Variants in TNFAIP8L3 observed in about 807,000 individuals in gnomAD.
TNFAIP8L3 encodes the protein tumor necrosis factor alpha-induced protein 8-like protein 3.
In TNFAIP8L3, 7 loss-of-function variants were observed where a neutral mutation model predicts 11.8. The observed-to-expected ratio is 0.59, with a 90% confidence interval of 0.34 to 1.11. TNFAIP8L3 has a LOEUF of 1.11. TNFAIP8L3 is among the 50% of genes most tolerant of loss of function. TNFAIP8L3 has a pLI of 0.03. For synonymous variants in TNFAIP8L3, 98 were observed against 103.8 expected (o/e 0.94, Z 0.34); for missense variants, 219 against 258.6 (o/e 0.85, Z 1.05).
At chr15:51,097,813 G>A (rs905236282), upstream of TNFAIP8L3, among the ~76,000 whole-genome samples, 4 of 151,966 alleles carry the variant, frequency 2.6e-5, no homozygotes, top group Non-Finnish European at 5.9e-5. Context: ...AATCTGAGGT[G>A]GTGAATCTCC....
intron 1 of TNFAIP8L3, among the ~76,000 whole-genome samples, chr15:51,073,417 C>A (rs1424624272): frequency 1.3e-5 from 2 of 152,218 alleles, no homozygotes; most frequent in Non-Finnish European, 2.9e-5. Context: ...AAATCTCTTG[C>A]ATATCTTTCA....
intron 1 of TNFAIP8L3, among the ~76,000 whole-genome samples, chr15:51,082,025 G>A (rs2065395709): frequency 6.6e-6 from 1 of 150,530 alleles, no homozygotes; most frequent in African/African-American, 2.5e-5. Context: ...CTTTCAACTT[G>A]AAAACTAAGA....
At chr15:51,096,049 A>G (rs542809355), upstream of TNFAIP8L3, among the ~76,000 whole-genome samples, 2 of 152,336 alleles carry the variant, frequency 1.3e-5, no homozygotes, top group African/African-American at 2.4e-5. Context: ...ACTTATTTTC[A>G]TTCCCATTTT....
chr15:51,058,948 G>T (rs1438926), intron 1 of TNFAIP8L3, among the ~76,000 whole-genome samples: 20,914 of 152,266 alleles, frequency 0.14, 1,591 homozygotes, highest in South Asian at 0.19. Flanking sequence ...ATATCATTGG[G>T]TCTAAGAGGT....
intron 1 of TNFAIP8L3, among the ~76,000 whole-genome samples, chr15:51,090,961 C>A (rs923900838): frequency 6.6e-6 from 1 of 152,156 alleles, no homozygotes; most frequent in Non-Finnish European, 1.5e-5. Flanking sequence ...TGTTTACTCT[C>A]CTGTTGCTTC....
At chr15:51,101,891 A>G (rs1461498582) in intron 1 of TNFAIP8L3, among the ~76,000 whole-genome samples, 2 of 142,776 alleles carry the variant, frequency 1.4e-5, no homozygotes, top group Non-Finnish European at 3.0e-5. Context: ...GCTTGCAGTG[A>G]GCTGAGATTG....
rs151327405 is a variant in TNFAIP8L3, at chr15:51,086,492, C to A, written c.52+8052G>T. Among the ~76,000 whole-genome samples, 27 of 152,334 alleles carry A rather than the reference C, an allele frequency of 1.8e-4. No homozygotes were observed. The East Asian group carries it at 1.9e-3, about 11-fold the overall frequency. ...AGCCTAAGGGTTAGGGTTCTGGGAA[C>A]CGTGGGAGCTGTGTGGGGGATGCAA... is the stretch of plus-strand genomic sequence containing the variant. On this transcript the variant is annotated intron_variant, in intron 1 of 1. Coordinates refer to ENST00000637513, the MANE Select transcript of TNFAIP8L3 (RefSeq NM_001311175.2).
chr15:51,072,431 G>A (rs950828700), intron 1 of TNFAIP8L3, among the ~76,000 whole-genome samples: 7 of 152,116 alleles, frequency 4.6e-5, no homozygotes, highest in African/African-American at 1.7e-4. Flanking sequence ...ATAAGCCACC[G>A]CGCCTGGCCA....
At position 51,105,056 on chromosome 15, in the gene TNFAIP8L3, G is replaced by A. The variant is rs201752728; in HGVS notation, c.121C>T (p.Gln41Ter). The stretch of plus-strand genomic sequence containing the variant: ...AAAGATAAGGGGATGAGTCTTGTTT[G>A]TAACGTGGCATCCCTTGTGCCTTGG... The change falls in exon 1 of 3, where the codon CAA becomes TAA. Residue 41 changes from glutamine to a stop codon, truncating the protein, a stop_gained. Coordinates refer to the TNFAIP8L3 transcript ENST00000327536. LOFTEE classifies it high-confidence loss of function. The A allele has an allele frequency of 1.2e-4, 201 of 1,614,058 alleles. No homozygotes were observed. The highest frequency in any genetic ancestry group is 1.6e-4 in the Non-Finnish European group (194 of 1,180,040).
chr15:51,100,147 A>C (rs1467859642), intron 1 of TNFAIP8L3, among the ~76,000 whole-genome samples: 2 of 152,224 alleles, frequency 1.3e-5, no homozygotes, highest in Non-Finnish European at 2.9e-5. Context: ...TGTATCAAGT[A>C]TTTGTTGAGT....
chr15:51,084,369 T>G (rs1206469397), intron 1 of TNFAIP8L3, among the ~76,000 whole-genome samples: 1 of 152,260 alleles, frequency 6.6e-6, no homozygotes, highest in Non-Finnish European at 1.5e-5. Context: ...AATGTCATTA[T>G]GTATTTAATC....
upstream of TNFAIP8L3, among the ~76,000 whole-genome samples, chr15:51,095,410 C>T (rs2065507407): frequency 6.6e-6 from 1 of 151,962 alleles, no homozygotes; most frequent in Non-Finnish European, 1.5e-5. Flanking sequence ...CTAACTCCGG[C>T]TGTTTGAGTC....
chr15:51,075,510 G>A (rs1003618649), intron 1 of TNFAIP8L3, among the ~76,000 whole-genome samples: 1 of 152,104 alleles, frequency 6.6e-6, no homozygotes, highest in African/African-American at 2.4e-5. Flanking sequence ...GTCTCTCTGG[G>A]CAATCCTCTC....
At chr15:51,104,557 T>G (rs1202514682) in intron 1 of TNFAIP8L3, among the ~76,000 whole-genome samples, 1 of 152,202 alleles carries the variant, frequency 6.6e-6, no homozygotes, top group Non-Finnish European at 1.5e-5. Context: ...CCTGGCTCTC[T>G]GTCTGCTGCA....
intron 1 of TNFAIP8L3, among the ~76,000 whole-genome samples, chr15:51,101,739 G>T (rs544549431): frequency 6.6e-6 from 1 of 151,976 alleles, no homozygotes; most frequent in South Asian, 2.1e-4. Context: ...GAGGTCAGGA[G>T]ATCGAGACCA....
At chr15:51,076,732 G>A (rs1461890718) in intron 1 of TNFAIP8L3, among the ~76,000 whole-genome samples, 1 of 152,092 alleles carries the variant, frequency 6.6e-6, no homozygotes, top group African/African-American at 2.4e-5. Context: ...ACAGAGCCCG[G>A]CCTCCAGCCC....
upstream of TNFAIP8L3, among the ~76,000 whole-genome samples, chr15:51,097,991 T>A (rs1382608484): frequency 6.6e-6 from 1 of 152,234 alleles, no homozygotes; most frequent in Admixed American, 6.5e-5. Context: ...CCTCAGTGTT[T>A]CCACTACATC....
chr15:51,072,504 A>G (rs2065316593), intron 1 of TNFAIP8L3, among the ~76,000 whole-genome samples: 1 of 152,184 alleles, frequency 6.6e-6, no homozygotes, highest in Admixed American at 6.5e-5. Context: ...TGGTTTCTGT[A>G]TCTCATTTTA....
At chr15:51,067,507 C>CT (rs2065279793) in intron 1 of TNFAIP8L3, among the ~76,000 whole-genome samples, 1 of 152,126 alleles carries the variant, frequency 6.6e-6, no homozygotes, top group African/African-American at 2.4e-5. Flanking sequence ...TTTAGGTTTC[C>CT]TTTTTTGTAA....
Sources: allele counts gnomAD v4.1 joint callset (sites outside exome capture counted in the v4.1 genomes callset), GRCh38; gene constraint gnomAD v4.1.1; transcripts MANE v1.5; gene names NCBI Gene and HGNC (gene_info 2026-07-23, HGNC 2026-07-21).